Variants in FADS2 observed in about 807,000 individuals in gnomAD.
FADS2 encodes the protein acyl-CoA 6-desaturase.
In FADS2, 18 loss-of-function variants were observed where a neutral mutation model predicts 61.2. That is an observed-to-expected ratio of 0.29 (90% CI 0.20 to 0.44). The LOEUF (loss-of-function observed/expected upper bound fraction) is 0.44. FADS2 is among the 20% of genes least tolerant of loss of function. The pLI is 1.00. For missense variants in FADS2, 322 were observed against 572.7 expected (o/e 0.56, Z 4.47); for synonymous variants, 203 against 223.9 (o/e 0.91, Z 0.83).
chr11:61,857,619 C>T (rs1427940693), intron 7 of FADS2, 89 bp downstream of exon 7: 9 of 1,178,036 alleles, frequency 7.6e-6, no homozygotes, highest in South Asian at 4.9e-5. Context: ...CCTCGTGTGC[C>T]CCAGTGGAGC....
intron 5 of FADS2, chr11:61,849,880 G>T: frequency 6.6e-6 from 1 of 151,556 alleles, no homozygotes; most frequent in East Asian, 2.0e-4. Flanking sequence ...AAATACAAAA[G>T]ATTAGCCAGG....
chr11:61,860,390 C>A (rs1189937190), intron 7 of FADS2, among the ~76,000 whole-genome samples: 1 of 152,234 alleles, frequency 6.6e-6, no homozygotes, highest in Non-Finnish European at 1.5e-5. Flanking sequence ...GTTCCCTGTT[C>A]CCGGGGCCAC....
Position 61,816,295 on chromosome 11 carries a change from A to T in FADS2, c.10A>T (p.Arg4Trp). 1 of 1,598,288 alleles carries T rather than the reference A, an allele frequency of 6.3e-7. No individual in the cohort carries two copies. Among genetic ancestry groups the T allele is most frequent in the Non-Finnish European group, 8.5e-7 (1 of 1,179,770 alleles). Residue 4 changes from arginine to tryptophan, a missense_variant, in exon 1 of 12, where the codon AGG becomes TGG. Physicochemically the swap from Arg to Trp is moderately radical, Grantham distance 101. Transcript: ENST00000257261. The surrounding 1 kb of genome is among the most constrained non-coding windows in gnomAD (Gnocchi z 7.0). ...CGGGGCTGCAGATGGAATGCACGGC[A>T]GGGAGGCGGGACCCTTTGTTTGTGT...
At chr11:61,826,289 C>T (rs1278388765), upstream of FADS2, 1 of 702,456 alleles carries the variant, frequency 1.4e-6, no homozygotes, top group Non-Finnish European at 2.6e-6. Context: ...TCAGGACCTA[C>T]CCTGGCTGGT....
intron 5 of FADS2, among the ~76,000 whole-genome samples, chr11:61,852,936 C>T (rs901009393): frequency 5.9e-5 from 9 of 152,062 alleles, no homozygotes; most frequent in Non-Finnish European, 1.3e-4. Context: ...TGGCGGATCA[C>T]GAGGTCAGGA....
chr11:61,851,681 G>A (rs992377657), intron 5 of FADS2, among the ~76,000 whole-genome samples: 1 of 152,226 alleles, frequency 6.6e-6, no homozygotes, highest in Admixed American at 6.5e-5. Context: ...AGGGCCTCAA[G>A]CCACCATCCC....
At chr11:61,845,569 G>A (rs2067250534) in intron 4 of FADS2, among the ~76,000 whole-genome samples, 1 of 152,030 alleles carries the variant, frequency 6.6e-6, no homozygotes, top group Admixed American at 6.6e-5. Flanking sequence ...GAGGTGGGCG[G>A]ATCACCTGGG....
chr11:61,856,957 G>A, intron 5 of FADS2, 54 bp from the exon 6 acceptor site: 1 of 1,418,920 alleles, frequency 7.0e-7, no homozygotes, highest in South Asian at 1.1e-5. Context: ...TGGGGAACAT[G>A]GGAGGCTGGG....
intron 2 of FADS2, 22 bp downstream of exon 2, chr11:61,837,910 G>C (rs1488134907): frequency 3.8e-6 from 6 of 1,565,550 alleles, no homozygotes; most frequent in Non-Finnish European, 5.3e-6. Context: ...TTGCAACCTG[G>C]GTGGGGGTGG....
At chr11:61,853,243 TTC>T (rs879680117) in intron 5 of FADS2, among the ~76,000 whole-genome samples, 2 of 72,498 alleles carry the variant, frequency 2.8e-5, no homozygotes, top group Non-Finnish European at 5.0e-5. Flanking sequence ...CTTTCTTTCT[TTC>T]TCTCTCTCTT....
chr11:61,857,106 C>T (rs2067366308), intron 6 of FADS2, 35 bp downstream of exon 6: 2 of 1,552,768 alleles, frequency 1.3e-6, no homozygotes, highest in Non-Finnish European at 8.9e-7. Context: ...ACTCTGGGAC[C>T]CTCCCCTCCC....
intron 5 of FADS2, among the ~76,000 whole-genome samples, chr11:61,852,291 T>C (rs947518989): frequency 6.6e-6 from 1 of 152,214 alleles, no homozygotes; most frequent in Non-Finnish European, 1.5e-5. Context: ...GACAAGGTCA[T>C]GCTCTGTCAC....
At chr11:61,843,886 C>G (rs1402749319) in intron 4 of FADS2, among the ~76,000 whole-genome samples, 2 of 152,078 alleles carry the variant, frequency 1.3e-5, no homozygotes, top group Non-Finnish European at 2.9e-5. Flanking sequence ...GTCTTGAACT[C>G]CTGACCTAAG....
chr11:61,840,093 CA>C (rs2067205749), intron 2 of FADS2, among the ~76,000 whole-genome samples: 1 of 152,216 alleles, frequency 6.6e-6, no homozygotes, highest in Admixed American at 6.5e-5. Context: ...GCTTTTGAGT[CA>C]AAGCCTTTCT....
rs770636597 is a variant in FADS2, at chr11:61,816,308, C to T, written c.23C>T (p.Pro8Leu). 3.1e-6 allele frequency: 5 copies of T among 1,598,332 alleles called. No individual in the cohort carries two copies. The East Asian group carries it at 1.1e-4, about 36-fold the overall frequency. Residue 8 changes from proline to leucine, a missense_variant, in exon 1 of 12, where the codon CCC becomes CTC. By Grantham distance (98) the Pro-to-Leu change is moderately conservative. Coordinates refer to the FADS2 transcript ENST00000257261. This position sits in a 1 kb window ranked among gnomAD's most constrained non-coding sequence, Gnocchi z 7.0. ...GGAATGCACGGCAGGGAGGCGGGACCCTTTGTTTGTGTGTGCGTGTTGTTG... is the reference window on the plus strand; with the variant it reads ...GGAATGCACGGCAGGGAGGCGGGACTCTTTGTTTGTGTGTGCGTGTTGTTG...
At chr11:61,823,704 A>G (rs1271885867), upstream of FADS2, among the ~76,000 whole-genome samples, 4 of 152,068 alleles carry the variant, frequency 2.6e-5, no homozygotes, top group Admixed American at 2.0e-4. Context: ...TTTTGTACAG[A>G]CAGGGTCTCA....
rs1275536936 is a variant in FADS2, at chr11:61,865,305, G to A, written c.1283+28G>A. 1 of 1,609,966 alleles carries A rather than the reference G, an allele frequency of 6.2e-7. No individual in the cohort carries two copies. Among genetic ancestry groups the A allele is most frequent in the East Asian group, 2.2e-5 (1 of 44,846 alleles). On this transcript the variant is annotated intron_variant, in intron 11 of 11. Transcript: ENST00000278840. The surrounding 1 kb of genome is among the most constrained non-coding windows in gnomAD (Gnocchi z 4.1). ...GAGGGGTGGAGGTCCACAGGCGCTG[G>A]GCCCTGGGATCACCCGTGGTGCAGA...
Position 61,863,270 on chromosome 11 carries a change from G to A in FADS2, c.981-12G>A. On this transcript the variant is annotated splice_polypyrimidine_tract_variant and intron_variant, in intron 8 of 11. Transcript: ENST00000278840. Reference sequence around the variant, plus strand: ...CCCGGAGGCCCCTGCGCTGAGCTGTGTTCTCTTGCAGGTTCCTGGAGAGCC... The same window carrying A: ...CCCGGAGGCCCCTGCGCTGAGCTGTATTCTCTTGCAGGTTCCTGGAGAGCC... The A allele has an allele frequency of 6.2e-7, 1 of 1,610,100 alleles. No homozygotes were observed. The highest frequency in any genetic ancestry group is 8.5e-7 in the Non-Finnish European group (1 of 1,176,368).
chr11:61,852,700 C>CT (rs888294272), intron 5 of FADS2, among the ~76,000 whole-genome samples: 19 of 152,044 alleles, frequency 1.2e-4, no homozygotes, highest in Non-Finnish European at 2.4e-4. Context: ...TCTTAATTTT[C>CT]TTTTTTTTCT....
Sources: allele counts gnomAD v4.1 joint callset (sites outside exome capture counted in the v4.1 genomes callset), GRCh38; gene constraint gnomAD v4.1.1; non-coding constraint Gnocchi (gnomAD v3.1); transcripts MANE v1.5; gene names NCBI Gene and HGNC (gene_info 2026-07-23, HGNC 2026-07-21).